PLCB4: variants seen among roughly 807,000 people sequenced by gnomAD.
PLCB4 encodes 1-phosphatidylinositol 4,5-bisphosphate phosphodiesterase beta-4.
PLCB4 carries 77 observed loss-of-function variants against 178.8 expected under a neutral mutation model. The ratio of observed to expected loss-of-function variants is 0.43; its 90% confidence interval spans 0.36 to 0.52. The LOEUF is 0.52. Among genes scored for constraint, PLCB4 ranks in the 20% least tolerant of loss-of-function variants. The pLI, the probability that PLCB4 is intolerant of heterozygous loss-of-function variation, is 0.00. For synonymous variants in PLCB4, 496 were observed against 490.8 expected, an observed-to-expected ratio of 1.01 and a Z score of -0.14; for missense variants, 1,024 against 1,453.4, an observed-to-expected ratio of 0.70 and a Z score of 4.80.
intron 2 of PLCB4, among the ~76,000 whole-genome samples, chr20:9,183,948 A>G (rs957549676): frequency 1.6e-4 from 25 of 152,334 alleles, no homozygotes; most frequent in African/African-American, 6.0e-4. Flanking sequence ...AAAATTCTAT[A>G]GTAAATATAT....
intron 4 of PLCB4, among the ~76,000 whole-genome samples, chr20:9,319,396 G>C (rs2094935000): frequency 6.6e-6 from 1 of 152,068 alleles, no homozygotes; most frequent in African/African-American, 2.4e-5. Flanking sequence ...GTATTAGTGA[G>C]GGTTCTCCAG....
At chr20:9,254,834 C>T (rs757170320) in intron 3 of PLCB4, among the ~76,000 whole-genome samples, 20 of 152,136 alleles carry the variant, frequency 1.3e-4, no homozygotes, top group Non-Finnish European at 1.8e-4. Context: ...AATGGCTTTT[C>T]GGAGAAGCTC....
At chr20:9,365,360 A>T (rs1034626513) in intron 8 of PLCB4, 101 bp from the exon 9 acceptor site, 1 of 717,216 alleles carries the variant, frequency 1.4e-6, no homozygotes, top group African/African-American at 1.8e-5. Flanking sequence ...TTCAGAACCA[A>T]TGTTCTTGAT....
At chr20:9,298,756 A>G (rs1252688519) in intron 3 of PLCB4, among the ~76,000 whole-genome samples, 1 of 152,136 alleles carries the variant, frequency 6.6e-6, no homozygotes, top group Non-Finnish European at 1.5e-5. Context: ...TTAAATTTTA[A>G]GGAAGTTACA....
chr20:9,337,957 T>C (rs1007292023), intron 5 of PLCB4, 51 bp from the exon 6 acceptor site: 5 of 1,436,152 alleles, frequency 3.5e-6, no homozygotes, highest in Non-Finnish European at 4.9e-6. Context: ...GCCTGTATCA[T>C]AGGTATGGCA....
chr20:9,146,586 A>T (rs761502678), intron 2 of PLCB4, among the ~76,000 whole-genome samples: 1 of 152,150 alleles, frequency 6.6e-6, no homozygotes, highest in Non-Finnish European at 1.5e-5. Context: ...GCACAAGGGG[A>T]ACATTTTTAT....
intron 3 of PLCB4, among the ~76,000 whole-genome samples, chr20:9,237,511 T>C (rs2094006543): frequency 6.6e-6 from 1 of 152,168 alleles, no homozygotes; most frequent in South Asian, 2.1e-4. Flanking sequence ...TTGTTAGAGA[T>C]GCCAGATCTT....
At chr20:9,175,877 C>T (rs2093146189) in intron 2 of PLCB4, among the ~76,000 whole-genome samples, 1 of 152,096 alleles carries the variant, frequency 6.6e-6, no homozygotes, top group Admixed American at 6.6e-5. Flanking sequence ...CTATAATTTA[C>T]ACGGAATGAT....
chr20:9,340,681 G>T (rs1352546099), intron 7 of PLCB4, among the ~76,000 whole-genome samples: 10 of 152,134 alleles, frequency 6.6e-5, no homozygotes, highest in African/African-American at 2.4e-4. Flanking sequence ...CTCAAGTATT[G>T]GGGCTTTGGG....
chr20:9,172,372 G>A (rs2093078570), intron 2 of PLCB4, among the ~76,000 whole-genome samples: 1 of 152,082 alleles, frequency 6.6e-6, no homozygotes, highest in African/African-American at 2.4e-5. Flanking sequence ...ACCTATCCTT[G>A]AAAGTTAAGC....
chr20:9,461,376 A>C (rs2043380744), intron 35 of PLCB4, among the ~76,000 whole-genome samples: 2 of 152,142 alleles, frequency 1.3e-5, no homozygotes, highest in Admixed American at 1.3e-4. Flanking sequence ...TTTCCAACTG[A>C]GGTACCTGGT....
chr20:9,344,554 A>C (rs927936529), intron 7 of PLCB4, among the ~76,000 whole-genome samples: 1 of 152,168 alleles, frequency 6.6e-6, no homozygotes, highest in African/African-American at 2.4e-5. Flanking sequence ...ATTCCAACCC[A>C]AGTGATAAAG....
intron 36 of PLCB4, among the ~76,000 whole-genome samples, chr20:9,471,743 C>CT (rs543050444): frequency 1.2e-3 from 179 of 152,230 alleles, no homozygotes; most frequent in African/African-American, 4.1e-3. Context: ...TCTGATAGTA[C>CT]TAAGAGTGGG....
intron 2 of PLCB4, among the ~76,000 whole-genome samples, chr20:9,149,356 C>G (rs2092652399): frequency 6.6e-6 from 1 of 152,146 alleles, no homozygotes; most frequent in South Asian, 2.1e-4. Flanking sequence ...TTGCTAGTCT[C>G]TGGGCTGCTT....
intron 3 of PLCB4, among the ~76,000 whole-genome samples, chr20:9,275,618 C>T (rs2094444070): frequency 6.6e-6 from 1 of 152,006 alleles, no homozygotes; most frequent in Admixed American, 6.6e-5. Flanking sequence ...TAGCTCACGG[C>T]CACAGTCTAA....
rs778647004 is a variant in PLCB4 at position 9,179,470 on chromosome 20, C to T, written c.-78-37920C>T. On this transcript the variant is annotated intron_variant, in intron 2 of 39. Transcript: ENST00000378473. ...CTAGAGCCTCCTTAAAGGAAAGAAG[C>T]CTTGTTCCCATCTTGATTTTAGAGG... 3.9e-5 allele frequency among the ~76,000 whole-genome samples: 6 copies of T among 152,162 alleles called. 1 individual carries two copies. Among genetic ancestry groups the T allele is most frequent in the Admixed American group, 2.0e-4 (3 of 15,270 alleles).
chr20:9,245,879 G>A (rs926753568), intron 3 of PLCB4, among the ~76,000 whole-genome samples: 21 of 151,868 alleles, frequency 1.4e-4, no homozygotes, highest in African/African-American at 4.4e-4. Context: ...TGATCCATCC[G>A]CCTCAGCCTC....
At chr20:9,118,029 G>A (rs372409340) in intron 2 of PLCB4, among the ~76,000 whole-genome samples, 313 of 151,266 alleles carry the variant, frequency 2.1e-3, no homozygotes, top group Middle Eastern at 0.01. Flanking sequence ...AAAAAAAAAA[G>A]CTTTGTCTAA....
chr20:9,302,971 A>G (rs906006073), intron 3 of PLCB4, among the ~76,000 whole-genome samples: 1 of 152,168 alleles, frequency 6.6e-6, no homozygotes, highest in African/African-American at 2.4e-5. Flanking sequence ...TGAGACAATC[A>G]TAGAACACAT....
Sources: allele counts gnomAD v4.1 joint callset (sites outside exome capture counted in the v4.1 genomes callset), GRCh38; gene constraint gnomAD v4.1.1; transcripts MANE v1.5; gene names NCBI Gene and HGNC (gene_info 2026-07-23, HGNC 2026-07-21).